Variants in FN1 observed in about 807,000 individuals in gnomAD.
FN1 encodes fibronectin 1.
In FN1, 106 loss-of-function variants were observed where a neutral mutation model predicts 297.3. That is an observed-to-expected ratio of 0.36 (90% CI 0.30 to 0.42). FN1 has a LOEUF of 0.42. Among genes scored for constraint, FN1 ranks in the 10% least tolerant of loss-of-function variants. FN1 has a pLI of 1.00. For missense variants in FN1, 2,690 were observed against 3,124.9 expected (o/e 0.86, Z 3.32); for synonymous variants, 1,149 against 1,152.6 (o/e 1.00, Z 0.06).
At chr2:215,412,568 C>A (rs913826371) in intron 13 of FN1, among the ~76,000 whole-genome samples, 1 of 152,122 alleles carries the variant, frequency 6.6e-6, no homozygotes, top group African/African-American at 2.4e-5. Context: ...TCCCAAGTAG[C>A]TGGGACTACA....
chr2:215,372,196 A>G lies in FN1; in HGVS notation c.6427T>C (p.Phe2143Leu). Residue 2143 changes from phenylalanine to leucine, a missense_variant, in exon 40 of 46, where the codon TTT becomes CTT. Physicochemically the swap from Phe to Leu is conservative, Grantham distance 22. Around this residue, in one of 3 missense-constraint regions of FN1, gnomAD observed 1,743 missense variants for 1,945.2 expected, o/e 0.90. Coordinates refer to ENST00000354785, the MANE Select transcript of FN1 (RefSeq NM_212482.4). ...QQPSVGQQMIFEEHGFRRTTP... is the reference protein window; with the variant it reads ...QQPSVGQQMILEEHGFRRTTP... ...GTCCGCCTAAAACCATGTTCCTCAA[A>G]GATCATTTGTTGCCCAACACTGGGT... The G allele has an allele frequency of 6.2e-7, 1 of 1,614,186 alleles. No individual in the cohort carries two copies. The highest frequency in any genetic ancestry group is 1.1e-5 in the South Asian group (1 of 91,072).
intron 21 of FN1, among the ~76,000 whole-genome samples, chr2:215,398,685 G>C (rs2060608136): frequency 6.6e-6 from 1 of 152,132 alleles, no homozygotes; most frequent in Admixed American, 6.6e-5. Flanking sequence ...CCAAAGAATG[G>C]AATTCTTTTA....
chr2:215,406,858 A>T (rs1335045727), intron 18 of FN1, among the ~76,000 whole-genome samples: 1 of 152,244 alleles, frequency 6.6e-6, no homozygotes, highest in African/African-American at 2.4e-5. Flanking sequence ...GAATCATTTT[A>T]TAATACTTAA....
intron 22 of FN1, 53 bp downstream of exon 22, chr2:215,397,627 G>T: frequency 6.5e-7 from 1 of 1,535,476 alleles, no homozygotes; most frequent in Non-Finnish European, 9.0e-7. Context: ...AGCTTTTTTC[G>T]AAAAGTAGAA....
intron 20 of FN1, among the ~76,000 whole-genome samples, chr2:215,402,548 TA>T (rs2061290119): frequency 6.6e-6 from 1 of 152,210 alleles, no homozygotes; most frequent in Non-Finnish European, 1.5e-5. Flanking sequence ...AGAAATTTAG[TA>T]ATTTCAAAAA....
Position 215,391,738 on chromosome 2 carries a change from T to C in FN1, c.4146A>G (p.Pro1382=), listed in dbSNP as rs114987066. ...CCAGGAAGTTGGTTAAATCAATGGA[T>C]GGGGGTGGAGCCCAGGTGACACGCA... The part of the protein sequence containing the change: ...DTMRVTWAPP[P]SIDLTNFLVR... Residue 1382 remains proline, a synonymous_variant, in exon 26 of 46, where the codon CCA becomes CCG. Transcript: ENST00000354785. 5.0e-4 allele frequency: 810 copies of C among 1,614,158 alleles called. 5 individuals are homozygous for C. In the African/African-American group the frequency reaches 9.7e-3, roughly 19 times the overall value.
At chr2:215,387,677 A>T (rs1370721042) in intron 27 of FN1, among the ~76,000 whole-genome samples, 2 of 152,256 alleles carry the variant, frequency 1.3e-5, no homozygotes, top group Non-Finnish European at 2.9e-5. Context: ...CTAAGATATC[A>T]TAAGTCCTTT....
In FN1 at chr2:215,364,941, C is replaced by G. The variant is rs1203026761; in HGVS notation, c.7189G>C (p.Glu2397Gln). 3 of 1,580,456 alleles carry G rather than the reference C, an allele frequency of 1.9e-6. No individual in the cohort carries two copies. The highest frequency in any genetic ancestry group is 2.6e-6 in the Non-Finnish European group (3 of 1,161,972). Residue 2397 changes from glutamate (E) to glutamine (Q), a missense_variant, in exon 44 of 46, where the codon GAA becomes CAA. Transcript: ENST00000354785. Reference protein sequence around the residue: ...YDDGKTYHVGEQWQKEYLGAI... With the variant: ...YDDGKTYHVGQQWQKEYLGAI... ...CCGAGATATTCCTTCTGCCACTGTTCTCCTACGTGGTATGTCTTCCCATCA... is the reference window on the plus strand; with the variant it reads ...CCGAGATATTCCTTCTGCCACTGTTGTCCTACGTGGTATGTCTTCCCATCA...
chr2:215,433,849 C>G (rs987919040), intron 2 of FN1, among the ~76,000 whole-genome samples: 1 of 152,230 alleles, frequency 6.6e-6, no homozygotes, highest in Non-Finnish European at 1.5e-5. Context: ...CGCCTGTAAT[C>G]CCAGCACTTT....
At chr2:215,409,845 A>G in intron 14 of FN1, 89 bp downstream of exon 14, 1 of 1,595,282 alleles carries the variant, frequency 6.3e-7, no homozygotes, top group Non-Finnish European at 8.6e-7. Context: ...TCCTGGAAGA[A>G]TATGAATTGA....
At chr2:215,380,648 C>T (rs2058070516) in intron 33 of FN1, 163 bp downstream of exon 33, 3 of 965,362 alleles carry the variant, frequency 3.1e-6, no homozygotes, top group Non-Finnish European at 4.8e-6. Context: ...TAAATATCAC[C>T]TAAGTTTTAT....
Position 215,379,214 on chromosome 2 carries a change from C to T in FN1, c.5538G>A (p.Arg1846=), listed in dbSNP as rs151207381. ...PNVQLTGYRV[R]VTPKEKTGPM... is the part of the protein sequence containing the mutation. ...GTCCGGTCTTCTCCTTGGGGGTCAC[C>T]CGCACTCGATATCCAGTGAGCTGAA... is the stretch of plus-strand genomic sequence containing the variant. Residue 1846 remains arginine, a synonymous_variant, in exon 34 of 46, where the codon CGG becomes CGA. Transcript: ENST00000354785. 1.2e-6 allele frequency: 2 copies of T among 1,614,026 alleles called. No individual in the cohort carries two copies. The highest frequency in any genetic ancestry group is 1.3e-5 in the African/African-American group (1 of 74,994).
chr2:215,372,476 A>G (rs1285361002), intron 39 of FN1, 101 bp from the exon 40 acceptor site: 8 of 880,126 alleles, frequency 9.1e-6, no homozygotes, highest in South Asian at 4.1e-5. Flanking sequence ...CTGTTCATCA[A>G]TTTGATAAAA....
intron 20 of FN1, among the ~76,000 whole-genome samples, chr2:215,402,527 T>C (rs1160893227): frequency 2.0e-5 from 3 of 152,168 alleles, no homozygotes. Flanking sequence ...AGTAAGATAG[T>C]AAAAAACTAC....
intron 23 of FN1, 44 bp from the exon 24 acceptor site, chr2:215,394,763 G>GCAATA: frequency 1.3e-6 from 2 of 1,485,956 alleles, no homozygotes; most frequent in Non-Finnish European, 1.9e-6. Flanking sequence ...GAGGATCTGT[G>GCAATA]AGCCAGAGCA....
Position 215,422,108 on chromosome 2 carries a change from G to C in FN1, c.1529C>G (p.Ala510Gly), listed in dbSNP as rs762113137. 3 of 1,614,116 alleles carry C rather than the reference G, an allele frequency of 1.9e-6. No homozygotes were observed. The highest frequency in any genetic ancestry group is 2.5e-6 in the Non-Finnish European group (3 of 1,179,970). Residue 510 changes from alanine (A) to glycine (G), a missense_variant, in exon 10 of 46, where the codon GCC becomes GGC. Coordinates refer to ENST00000354785, the MANE Select transcript of FN1 (RefSeq NM_212482.4). Reference sequence around the variant, plus strand: ...CAGCATACCTCGAAGCTGCGAGTAGGCAATGCATGTCCATTCCCCACGACC... The same window carrying C: ...CAGCATACCTCGAAGCTGCGAGTAGCCAATGCATGTCCATTCCCCACGACC... ...GNGRGEWTCI[A>G]YSQLRDQCIV...
At chr2:215,409,289 C>T (rs1224432750) in intron 15 of FN1, among the ~76,000 whole-genome samples, 3 of 152,176 alleles carry the variant, frequency 2.0e-5, no homozygotes, top group African/African-American at 7.2e-5. Context: ...CCACCAAGAA[C>T]ACAGCTTTTG....
Position 215,380,992 on chromosome 2 carries a change from G to A in FN1, c.5253C>T (p.Ser1751=). 1.2e-6 allele frequency: 2 copies of A among 1,614,202 alleles called. No individual in the cohort carries two copies. Among genetic ancestry groups the A allele is most frequent in the Non-Finnish European group, 1.7e-6 (2 of 1,180,034 alleles). ...IAWESPQGQV[S]RYRVTYSSPE... ...GGCTCGAGTAGGTCACCCTGTACCT[G>A]GAAACTTGCCCCTGTGGGCTTTCCC... The change falls in exon 33 of 46, where the codon TCC becomes TCT. Residue 1751 remains serine, a synonymous_variant. Transcript: ENST00000354785.
rs1416634890 is a variant in FN1, at chr2:215,361,180, G to A, written c.*375C>T. On this transcript the variant is annotated 3_prime_UTR_variant, in exon 46 of 46. Coordinates refer to ENST00000354785, the MANE Select transcript of FN1 (RefSeq NM_212482.4). ...CGGGCCAGACACTTAAGTGAAAGCA[G>A]AAGTGTTTGGGTGACTTTCCTACTT... The A allele has an allele frequency of 3.9e-6, 1 of 255,808 alleles. No individual in the cohort carries two copies. Among genetic ancestry groups the A allele is most frequent in the Non-Finnish European group, 7.7e-6 (1 of 129,936 alleles). 15.8% of individuals were successfully genotyped at this position (255,808 alleles called of 1,614,324 possible).
Sources: gnomAD v4.1 joint callset for allele counts (sites outside exome capture counted in the v4.1 genomes callset) on GRCh38, gnomAD v4.1.1 for gene constraint, gnomAD v4.1.1 regional missense constraint, MANE v1.5 for transcripts, NCBI Gene and HGNC (gene_info 2026-07-23, HGNC 2026-07-21) for gene names.